PLEKHG7: variants seen among roughly 807,000 people sequenced by gnomAD.
PLEKHG7 encodes the protein pleckstrin homology and RhoGEF domain containing G7.
In PLEKHG7, 77 loss-of-function variants were observed where a neutral mutation model predicts 85.2. The observed-to-expected ratio is 0.90, with a 90% CI of 0.75 to 1.09. PLEKHG7 has a LOEUF of 1.09. Among genes scored for constraint, PLEKHG7 ranks in the 50% least tolerant of loss-of-function variants. The probability of loss-of-function intolerance (pLI) is 0.00; values close to 1 mark genes in which losing one functional copy is unlikely to be tolerated. For synonymous variants in PLEKHG7, 301 were observed against 302.4 expected, an observed-to-expected ratio of 1.00 and a Z score of 0.05; for missense variants, 777 against 804.3, an observed-to-expected ratio of 0.97 and a Z score of 0.41.
intron 7 of PLEKHG7, among the ~76,000 whole-genome samples, chr12:92,740,221 C>A (rs1277431130): frequency 2.0e-5 from 3 of 152,184 alleles, no homozygotes. Context: ...AAATTGATCT[C>A]TCTTCAGTTT....
At chr12:92,735,676 T>C (rs1410134015) in intron 5 of PLEKHG7, among the ~76,000 whole-genome samples, 1 of 152,188 alleles carries the variant, frequency 6.6e-6, no homozygotes, top group Non-Finnish European at 1.5e-5. Flanking sequence ...GATGTCGCAA[T>C]AGAATAGTGA....
intron 11 of PLEKHG7, among the ~76,000 whole-genome samples, chr12:92,755,230 A>G (rs998577869): frequency 6.6e-6 from 1 of 152,192 alleles, no homozygotes; most frequent in African/African-American, 2.4e-5. Flanking sequence ...CTTTATGTCT[A>G]TTACCTTAAA....
intron 3 of PLEKHG7, among the ~76,000 whole-genome samples, chr12:92,714,530 C>A (rs1345521498): frequency 6.6e-6 from 1 of 152,126 alleles, no homozygotes. Flanking sequence ...TATTTTTCAA[C>A]AATTTCAGCT....
At chr12:92,715,351 G>T (rs1871452077) in intron 3 of PLEKHG7, among the ~76,000 whole-genome samples, 1 of 152,112 alleles carries the variant, frequency 6.6e-6, no homozygotes, top group South Asian at 2.1e-4. Flanking sequence ...TGACTGATAT[G>T]TTAATCTCTT....
At chr12:92,750,004 T>TTTATTTTA (rs1872648493) in intron 10 of PLEKHG7, among the ~76,000 whole-genome samples, 3 of 140,204 alleles carry the variant, frequency 2.1e-5, no homozygotes, top group African/African-American at 8.4e-5. Flanking sequence ...ATTTTATTAT[T>TTTATTTTA]TTATTTTATT....
Position 92,770,091 on chromosome 12 carries a change from A to G in PLEKHG7, c.1972A>G (p.Thr658Ala), listed in dbSNP as rs947293910. ...ATTTTTTTCTTTTTTTCAACAGAAA[A>G]CATGGATGGCACAAATAACAACTGC... ...LQAQTENIKK[T>A]WMAQITTAIS... is the part of the protein sequence containing the mutation. Residue 658 changes from threonine to alanine, a missense_variant, in exon 17 of 17, where the codon ACA (threonine) becomes GCA (alanine). Coordinates refer to ENST00000344636, the MANE Select transcript of PLEKHG7 (RefSeq NM_001377329.1). 5.7e-6 allele frequency: 9 copies of G among 1,582,102 alleles called. No individual in the cohort carries two copies. The African/African-American group carries it at 1.2e-4, about 22-fold the overall frequency.
chr12:92,766,128 C>A (rs1227953485), intron 15 of PLEKHG7, among the ~76,000 whole-genome samples: 1 of 152,196 alleles, frequency 6.6e-6, no homozygotes, highest in Non-Finnish European at 1.5e-5. Flanking sequence ...AGCTTCTTAC[C>A]TGCCCAAGGG....
intron 10 of PLEKHG7, among the ~76,000 whole-genome samples, chr12:92,748,098 C>G (rs1872585944): frequency 6.6e-6 from 1 of 152,072 alleles, no homozygotes; most frequent in African/African-American, 2.4e-5. Context: ...TCCTAAATAC[C>G]CTGATTTCAT....
Position 92,745,564 on chromosome 12 carries a change from G to A in PLEKHG7, c.1224G>A (p.Gln408=), listed in dbSNP as rs1872513343. The A allele has an allele frequency of 6.2e-7, 1 of 1,613,446 alleles. No individual in the cohort carries two copies. Among genetic ancestry groups the A allele is most frequent in the Non-Finnish European group, 8.5e-7 (1 of 1,179,518 alleles). The change falls in exon 10 of 17, where the codon CAG becomes CAA. Residue 408 remains glutamine, a synonymous_variant. Transcript: ENST00000344636. ...AAIFYLESLR[Q]RDDFGIYLKW... ...TCTTTTATCTTGAGAGCCTGAGGCA[G>A]AGAGATGACTTTGGAATTTATTTAA... is the stretch of plus-strand genomic sequence containing the variant.
Position 92,772,429 on chromosome 12 carries a change from G to A in PLEKHG7, c.*2234G>A, listed in dbSNP as rs1015048111. The A allele has an allele frequency of 2.6e-5, 4 of 151,648 alleles. No homozygotes were observed. Among genetic ancestry groups the A allele is most frequent in the Non-Finnish European group, 4.4e-5 (3 of 67,766 alleles). 9.4% of individuals were successfully genotyped at this position (151,648 alleles called of 1,614,324 possible). On this transcript the variant is annotated 3_prime_UTR_variant, in exon 17 of 17. Transcript: ENST00000344636. The stretch of plus-strand genomic sequence containing the variant: ...TCCAAGTGCAAAGTCCTAATATTCT[G>A]TAAATAAATTAATGCAAAATGGTTA...
chr12:92,708,729 G>A (rs749063350), intron 3 of PLEKHG7, among the ~76,000 whole-genome samples: 1 of 152,158 alleles, frequency 6.6e-6, no homozygotes, highest in Non-Finnish European at 1.5e-5. Flanking sequence ...AGGTTCAAGA[G>A]GACAAGTAGA....
At chr12:92,752,992 T>A (rs1179328892) in intron 10 of PLEKHG7, among the ~76,000 whole-genome samples, 1 of 152,140 alleles carries the variant, frequency 6.6e-6, no homozygotes, top group Non-Finnish European at 1.5e-5. Context: ...GGCTCCATGC[T>A]CATGGCCTAA....
At chr12:92,710,723 G>A (rs769421509) in intron 3 of PLEKHG7, among the ~76,000 whole-genome samples, 31 of 152,186 alleles carry the variant, frequency 2.0e-4, no homozygotes, top group Non-Finnish European at 2.8e-4. Context: ...GCTGTAGCCA[G>A]GTCAGCCTTG....
At chr12:92,749,283 A>T (rs1187092291) in intron 10 of PLEKHG7, among the ~76,000 whole-genome samples, 1 of 151,684 alleles carries the variant, frequency 6.6e-6, no homozygotes, top group Admixed American at 6.6e-5. Context: ...TAATTAATTA[A>T]TTTATTTATG....
intron 3 of PLEKHG7, among the ~76,000 whole-genome samples, chr12:92,719,606 T>A (rs1871581936): frequency 6.6e-6 from 1 of 152,228 alleles, no homozygotes; most frequent in Non-Finnish European, 1.5e-5. Context: ...ATAAGATTTT[T>A]ATTCCTTTTA....
chr12:92,755,742 A>G, intron 11 of PLEKHG7, 83 bp from the exon 12 acceptor site: 2 of 909,290 alleles, frequency 2.2e-6, no homozygotes, highest in Non-Finnish European at 3.6e-6. Flanking sequence ...GTGTTTCTAA[A>G]TGATTCCTGT....
At chr12:92,748,734 C>T (rs910225908) in intron 10 of PLEKHG7, among the ~76,000 whole-genome samples, 1 of 152,132 alleles carries the variant, frequency 6.6e-6, no homozygotes, top group African/African-American at 2.4e-5. Context: ...GCAAGATTTT[C>T]AGGCAAAAAA....
chr12:92,727,962 G>GTGTGTGTGTATA (rs760170614), intron 3 of PLEKHG7, among the ~76,000 whole-genome samples: 5 of 96,546 alleles, frequency 5.2e-5, no homozygotes, highest in Non-Finnish European at 1.0e-4. Flanking sequence ...GTGTGTGTGT[G>GTGTGTGTGTATA]TATATATATA....
rs191984614 is a variant in PLEKHG7, at chr12:92,729,318, C to A, written c.658+198C>A. Among the ~76,000 whole-genome samples the A allele has an allele frequency of 8.9e-3, 1,354 of 151,552 alleles. 20 individuals carry two copies. Among genetic ancestry groups the A allele is most frequent in the African/African-American group, 0.028 (1,159 of 41,250 alleles). ...GCTGAGTACCAGTCTTGGTATTGGG[C>A]ATTCCATTTACAGAGATGAATAAGG... On this transcript the variant is annotated intron_variant, in intron 4 of 16. Coordinates refer to ENST00000344636, the MANE Select transcript of PLEKHG7 (RefSeq NM_001377329.1).
Sources: allele counts gnomAD v4.1 joint callset (sites outside exome capture counted in the v4.1 genomes callset), GRCh38; gene constraint gnomAD v4.1.1; transcripts MANE v1.5; gene names NCBI Gene and HGNC (gene_info 2026-07-23, HGNC 2026-07-21).